Variants in PIP4K2A observed in about 807,000 individuals in gnomAD.
The protein encoded by PIP4K2A is phosphatidylinositol-5-phosphate 4-kinase type 2 alpha, also known as phosphatidylinositol 5-phosphate 4-kinase type-2 alpha.
In PIP4K2A, 14 loss-of-function variants were observed where a neutral mutation model predicts 42.9. That is an observed-to-expected ratio of 0.33 (90% confidence interval 0.22 to 0.51). PIP4K2A has a LOEUF of 0.51. Ranked by LOEUF, PIP4K2A falls within the 20% of genes least tolerant of loss-of-function variation. PIP4K2A has a pLI of 0.97. For missense variants in PIP4K2A, 434 were observed against 519.8 expected (o/e 0.83, Z 1.61); for synonymous variants, 192 against 192.2 (o/e 1.00, Z 0.01).
intron 3 of PIP4K2A, among the ~76,000 whole-genome samples, chr10:22,596,205 C>CAAAAAAAAA (rs10681238): frequency 0.016 from 1,115 of 69,626 alleles, 75 homozygotes; most frequent in Non-Finnish European, 0.024. Flanking sequence ...AACTCCGTCT[C>CAAAAAAAAA]AAAAAAAAAA....
chr10:22,541,736 C>A (rs1836119240), intron 8 of PIP4K2A, 68 bp downstream of exon 8: 7 of 1,485,000 alleles, frequency 4.7e-6, no homozygotes, highest in Non-Finnish European at 5.4e-6. Flanking sequence ...GTAGTGCTTA[C>A]TGGTAGATAA....
chr10:22,630,725 C>T (rs1418709418), intron 1 of PIP4K2A, among the ~76,000 whole-genome samples: 1 of 152,190 alleles, frequency 6.6e-6, no homozygotes, highest in Non-Finnish European at 1.5e-5. Flanking sequence ...TGAGCAACAG[C>T]AGAATTCATA....
chr10:22,536,718 A>AAAAAAAAAAAAAAAAAAAAC lies in PIP4K2A; in HGVS notation c.*482_*483insGTTTTTTTTTTTTTTTTTTT, dbSNP rs1835930411. 1 of 136,838 alleles carries AAAAAAAAAAAAAAAAAAAAC rather than the reference A, an allele frequency of 7.3e-6. No individual in the cohort carries two copies. Among genetic ancestry groups the AAAAAAAAAAAAAAAAAAAAC allele is most frequent in the Non-Finnish European group, 1.5e-5 (1 of 64,858 alleles). The allele number at this position is 136,838 out of a possible 1,614,324, so 8.5% of individuals were successfully genotyped here. A position where few individuals can be genotyped will look rare whatever the true frequency, so the allele number is the denominator to read the frequency against. ...CTGTCTCACATCTTTCAACTCCAAAAAAAAAAAAAAAAAAAAAAAACTGAT... is the reference window on the plus strand; with the variant it reads ...CTGTCTCACATCTTTCAACTCCAAAAAAAAAAAAAAAAAAAAAAACAAAAAAAAAAAAAAAAAAAACTGAT... On this transcript the variant is annotated 3_prime_UTR_variant, in exon 10 of 10. Transcript: ENST00000376573.
At chr10:22,631,150 T>A (rs1838538035) in intron 1 of PIP4K2A, among the ~76,000 whole-genome samples, 1 of 152,200 alleles carries the variant, frequency 6.6e-6, no homozygotes, top group African/African-American at 2.4e-5. Flanking sequence ...GCTTTAGCAA[T>A]AATCCCTCTT....
At chr10:22,653,712 G>C (rs1238638760) in intron 1 of PIP4K2A, among the ~76,000 whole-genome samples, 2 of 152,074 alleles carry the variant, frequency 1.3e-5, no homozygotes, top group Non-Finnish European at 2.9e-5. Flanking sequence ...CCAGGAGTTC[G>C]AGACCAGCCT....
At chr10:22,543,144 T>G (rs1188349602) in intron 7 of PIP4K2A, among the ~76,000 whole-genome samples, 1 of 152,216 alleles carries the variant, frequency 6.6e-6, no homozygotes, top group Non-Finnish European at 1.5e-5. Flanking sequence ...GAGTCATTTC[T>G]CCTCAGCCTG....
chr10:22,602,278 A>T (rs1436776421), intron 3 of PIP4K2A, among the ~76,000 whole-genome samples: 4 of 151,852 alleles, frequency 2.6e-5, no homozygotes, highest in Admixed American at 2.0e-4. Context: ...CTGTAGTCCC[A>T]GGTACTCAGG....
rs200780978 is a variant in PIP4K2A, at chr10:22,645,686, A to AT, written c.145-35970dup. 4.1e-3 allele frequency among the ~76,000 whole-genome samples: 596 copies of AT among 144,708 alleles called. 6 individuals are homozygous for AT. Among genetic ancestry groups the AT allele is most frequent in the Admixed American group, 0.013 (194 of 14,462 alleles). 94.9% of individuals were successfully genotyped at this position (144,708 alleles called of 152,430 possible). On this transcript the variant is annotated intron_variant, in intron 1 of 9. Coordinates refer to ENST00000376573, the MANE Select transcript of PIP4K2A (RefSeq NM_005028.5). ...TTGAAAAACATGAAGATAGTACTTA[A>AT]TTTTTTTTTTTTTTTCTGAGACAGG...
intron 1 of PIP4K2A, among the ~76,000 whole-genome samples, chr10:22,653,642 G>A (rs1839037384): frequency 6.6e-6 from 1 of 152,126 alleles, no homozygotes; most frequent in South Asian, 2.1e-4. Flanking sequence ...GATCGGGCAT[G>A]GTGGCTCACC....
intron 7 of PIP4K2A, among the ~76,000 whole-genome samples, chr10:22,549,234 G>C (rs1348233507): frequency 6.6e-6 from 1 of 152,122 alleles, no homozygotes; most frequent in Non-Finnish European, 1.5e-5. Context: ...TGGTCAGTGT[G>C]AGTTTCTTGT....
At chr10:22,544,134 A>T (rs10430590) in intron 7 of PIP4K2A, among the ~76,000 whole-genome samples, 34,205 of 152,058 alleles carry the variant, frequency 0.22, 4,863 homozygotes, top group East Asian at 0.41. Context: ...GAGGCCCTCC[A>T]CACATGACTC....
intron 4 of PIP4K2A, among the ~76,000 whole-genome samples, chr10:22,588,600 T>G (rs1837447957): frequency 6.6e-6 from 1 of 152,172 alleles, no homozygotes; most frequent in Non-Finnish European, 1.5e-5. Context: ...CCACCTTAAA[T>G]CCTTTCTGGA....
chr10:22,714,403 G>A lies in PIP4K2A; in HGVS notation c.-77C>T. 3.7e-6 allele frequency: 4 copies of A among 1,078,844 alleles called. No individual in the cohort carries two copies. Among genetic ancestry groups the A allele is most frequent in the Non-Finnish European group, 4.6e-6 (4 of 865,514 alleles). The allele number at this position is 1,078,844 out of a possible 1,614,324, so 66.8% of individuals were successfully genotyped here. A position where few individuals can be genotyped will look rare whatever the true frequency, so the allele number is the denominator to read the frequency against. ...CCCTCTCTACACCCCGGCCCGGGGAGGCAGCCGCATCCCCCCGGCGGCGGC... is the reference window on the plus strand; with the variant it reads ...CCCTCTCTACACCCCGGCCCGGGGAAGCAGCCGCATCCCCCCGGCGGCGGC... On this transcript the variant is annotated 5_prime_UTR_variant, in exon 1 of 10. Transcript: ENST00000376573.
At chr10:22,541,263 GC>G (rs1326141356) in intron 8 of PIP4K2A, among the ~76,000 whole-genome samples, 1 of 152,140 alleles carries the variant, frequency 6.6e-6, no homozygotes, top group Non-Finnish European at 1.5e-5. Flanking sequence ...CACCCACAGG[GC>G]CCATCTTCAC....
At chr10:22,575,390 C>A (rs1213653825) in intron 4 of PIP4K2A, among the ~76,000 whole-genome samples, 4 of 152,190 alleles carry the variant, frequency 2.6e-5, no homozygotes, top group African/African-American at 9.7e-5. Context: ...GAGCTCCCAT[C>A]ACGAACTACC....
At chr10:22,651,824 T>C (rs1302160286) in intron 1 of PIP4K2A, among the ~76,000 whole-genome samples, 2 of 152,194 alleles carry the variant, frequency 1.3e-5, no homozygotes, top group African/African-American at 4.8e-5. Flanking sequence ...ACTGCTTGTG[T>C]GACTTCCTGT....
At chr10:22,597,662 G>A (rs1421332762) in intron 3 of PIP4K2A, among the ~76,000 whole-genome samples, 3 of 151,068 alleles carry the variant, frequency 2.0e-5, no homozygotes, top group Admixed American at 6.6e-5. Flanking sequence ...TAAAAAAAAC[G>A]AGAAGGGAAA....
chr10:22,664,090 CAT>C (rs71992190), intron 1 of PIP4K2A, among the ~76,000 whole-genome samples: 6,126 of 63,804 alleles, frequency 0.096, 340 homozygotes, highest in South Asian at 0.18. Context: ...TATATATATA[CAT>C]ATATATATAT....
intron 3 of PIP4K2A, among the ~76,000 whole-genome samples, chr10:22,607,639 T>G (rs1837934157): frequency 6.6e-6 from 1 of 152,146 alleles, no homozygotes. Flanking sequence ...AGCCTGTTAA[T>G]TTCCACCTGG....
Sources: allele counts gnomAD v4.1 joint callset (sites outside exome capture counted in the v4.1 genomes callset), GRCh38; gene constraint gnomAD v4.1.1; transcripts MANE v1.5; gene names NCBI Gene and HGNC (gene_info 2026-07-23, HGNC 2026-07-21).